ARHGAP42: variants seen among roughly 807,000 people sequenced by gnomAD.
ARHGAP42 encodes rho GTPase-activating protein 42.
In ARHGAP42, 63 loss-of-function variants were observed where a neutral mutation model predicts 125.0. That is an observed-to-expected ratio of 0.50 (90% CI 0.41 to 0.62). ARHGAP42 has a LOEUF of 0.62. Among genes scored for constraint, ARHGAP42 ranks in the 20% least tolerant of loss-of-function variants. The pLI is 0.00. For synonymous variants in ARHGAP42, 339 were observed against 351.0 expected (o/e 0.97, Z 0.38); for missense variants, 766 against 1,024.2 (o/e 0.75, Z 3.44).
chr11:100,706,556 T>TA (rs1397143118), intron 1 of ARHGAP42, among the ~76,000 whole-genome samples: 7 of 152,238 alleles, frequency 4.6e-5, no homozygotes, highest in African/African-American at 1.4e-4. Context: ...TTGTATTAAA[T>TA]AATTAATTTT....
intron 1 of ARHGAP42, among the ~76,000 whole-genome samples, chr11:100,721,534 G>A (rs914681556): frequency 6.6e-6 from 1 of 150,794 alleles, no homozygotes. Context: ...GTGCAGTGTC[G>A]TGATCTTGGC....
intron 3 of ARHGAP42, among the ~76,000 whole-genome samples, chr11:100,802,819 A>T (rs1488058620): frequency 2.6e-5 from 4 of 151,930 alleles, no homozygotes; most frequent in African/African-American, 9.7e-5. Context: ...GCTTCTTTTG[A>T]ACTTACAGCT....
chr11:100,787,898 T>C (rs1056869773), intron 2 of ARHGAP42, among the ~76,000 whole-genome samples: 1 of 152,168 alleles, frequency 6.6e-6, no homozygotes, highest in Non-Finnish European at 1.5e-5. Flanking sequence ...TCTGGATTGG[T>C]GTTTGATTGC....
chr11:100,864,528 T>A lies in ARHGAP42; in HGVS notation c.384+4903T>A, dbSNP rs538989874. ...AGATAATACACTGTGGATAAACAAATGTATGTTTATAAACATACATACACA... is the reference window on the plus strand; with the variant it reads ...AGATAATACACTGTGGATAAACAAAAGTATGTTTATAAACATACATACACA... On this transcript the variant is annotated intron_variant, in intron 4 of 23. Coordinates refer to ENST00000298815, the MANE Select transcript of ARHGAP42 (RefSeq NM_152432.4). 3.3e-5 allele frequency among the ~76,000 whole-genome samples: 5 copies of A among 152,230 alleles called. No individual in the cohort carries two copies. In the East Asian group the frequency reaches 9.7e-4, roughly 29 times the overall value.
chr11:100,855,969 T>C (rs535276059), intron 3 of ARHGAP42, among the ~76,000 whole-genome samples: 1 of 152,230 alleles, frequency 6.6e-6, no homozygotes, highest in South Asian at 2.1e-4. Flanking sequence ...TAATTTATCT[T>C]ATCAATATTT....
chr11:100,775,121 C>G (rs1863088094), intron 2 of ARHGAP42, among the ~76,000 whole-genome samples: 3 of 152,124 alleles, frequency 2.0e-5, no homozygotes, highest in Non-Finnish European at 4.4e-5. Context: ...TTGGCCTGTT[C>G]CCTTTCATCT....
chr11:100,888,004 T>C (rs1565260230), intron 4 of ARHGAP42, among the ~76,000 whole-genome samples: 1 of 152,208 alleles, frequency 6.6e-6, no homozygotes, highest in African/African-American at 2.4e-5. Flanking sequence ...CAAGGAGGTT[T>C]CTAAGAATGC....
intron 6 of ARHGAP42, among the ~76,000 whole-genome samples, chr11:100,927,280 G>A (rs971813574): frequency 1.3e-5 from 2 of 152,048 alleles, no homozygotes; most frequent in East Asian, 1.9e-4. Context: ...ACATTTTGAT[G>A]TGTTTTTCTT....
At chr11:100,987,261 A>G (rs1033322401) in intron 22 of ARHGAP42, among the ~76,000 whole-genome samples, 43 of 152,178 alleles carry the variant, frequency 2.8e-4, no homozygotes, top group African/African-American at 9.9e-4. Flanking sequence ...GTTATAAGCC[A>G]GGGATTACCC....
intron 1 of ARHGAP42, among the ~76,000 whole-genome samples, chr11:100,748,520 T>A (rs987803078): frequency 2.0e-5 from 3 of 152,244 alleles, no homozygotes; most frequent in Non-Finnish European, 4.4e-5. Context: ...CAGAATAGCC[T>A]TATACTTTAA....
At chr11:100,882,765 T>G (rs1699318112) in intron 4 of ARHGAP42, among the ~76,000 whole-genome samples, 3 of 152,126 alleles carry the variant, frequency 2.0e-5, no homozygotes, top group African/African-American at 7.2e-5. Context: ...CATTTCAATC[T>G]TGCTGCTTGT....
At chr11:100,848,759 G>A (rs1865131772) in intron 3 of ARHGAP42, among the ~76,000 whole-genome samples, 1 of 152,032 alleles carries the variant, frequency 6.6e-6, no homozygotes, top group South Asian at 2.1e-4. Context: ...GCCCACCTTG[G>A]CCTCCCAAAA....
At position 100,903,709 on chromosome 11, in the gene ARHGAP42, AAT is replaced by A. The variant is rs139506492; in HGVS notation, c.385-9698_385-9697del. Among the ~76,000 whole-genome samples, 441 of 63,356 alleles carry A rather than the reference AAT, an allele frequency of 7.0e-3. 2 individuals are homozygous for A. Among genetic ancestry groups the A allele is most frequent in the African/African-American group, 0.013 (188 of 14,602 alleles). 41.6% of individuals were successfully genotyped at this position (63,356 alleles called of 152,430 possible). On this transcript the variant is annotated intron_variant, in intron 4 of 23. Coordinates refer to ENST00000298815, the MANE Select transcript of ARHGAP42 (RefSeq NM_152432.4). ...ATGTATATATATACATGTCCCTCAA[AAT>A]ATATATATATATATATATATATATA...
At chr11:100,717,347 C>A (rs1861679266) in intron 1 of ARHGAP42, among the ~76,000 whole-genome samples, 1 of 152,008 alleles carries the variant, frequency 6.6e-6, no homozygotes. Context: ...AAAAAAGATA[C>A]CATATATAGG....
intron 2 of ARHGAP42, among the ~76,000 whole-genome samples, chr11:100,785,695 G>A (rs552301444): frequency 1.3e-5 from 2 of 152,252 alleles, no homozygotes; most frequent in South Asian, 4.2e-4. Context: ...GGCAGTGCGA[G>A]GTGTAAGTGG....
intron 1 of ARHGAP42, among the ~76,000 whole-genome samples, chr11:100,732,060 G>A (rs1479818467): frequency 6.6e-6 from 1 of 151,736 alleles, no homozygotes; most frequent in East Asian, 1.9e-4. Flanking sequence ...CTGGGTTCAA[G>A]AAATTCTCCT....
intron 1 of ARHGAP42, among the ~76,000 whole-genome samples, chr11:100,750,767 T>C (rs1862430176): frequency 6.6e-6 from 1 of 152,052 alleles, no homozygotes; most frequent in Non-Finnish European, 1.5e-5. Context: ...TTATCGAATA[T>C]GGTTGCTTTA....
At chr11:100,959,780 A>T in intron 12 of ARHGAP42, 103 bp from the exon 13 acceptor site, 1 of 1,055,778 alleles carries the variant, frequency 9.5e-7, no homozygotes. Context: ...CTCAGAAAAA[A>T]CCTCTCTACT....
chr11:100,970,965 A>G (rs1858227718), intron 17 of ARHGAP42, among the ~76,000 whole-genome samples: 1 of 152,048 alleles, frequency 6.6e-6, no homozygotes, highest in South Asian at 2.1e-4. Flanking sequence ...AGATATGCTC[A>G]CAGCCTGCCA....
Sources: allele counts gnomAD v4.1 joint callset (sites outside exome capture counted in the v4.1 genomes callset), GRCh38; gene constraint gnomAD v4.1.1; transcripts MANE v1.5; gene names NCBI Gene and HGNC (gene_info 2026-07-23, HGNC 2026-07-21).